AGBL4: variants seen among roughly 807,000 people sequenced by gnomAD.
AGBL4 encodes AGBL carboxypeptidase 4.
A neutral mutation model predicts 66.4 loss-of-function variants in AGBL4; 58 were observed. The ratio of observed to expected loss-of-function variants is 0.87; its 90% CI spans 0.71 to 1.09. The LOEUF is 1.09. AGBL4 is among the 50% of genes least tolerant of loss of function. The probability of loss-of-function intolerance (pLI) is 0.00; values close to 1 mark genes in which losing one functional copy is unlikely to be tolerated. For missense variants in AGBL4, 579 were observed against 631.0 expected (o/e 0.92, Z 0.88); for synonymous variants, 234 against 222.9 (o/e 1.05, Z -0.44).
rs926173611 is a variant in AGBL4, at chr1:49,696,431, G to A, written c.282+882C>T. On this transcript the variant is annotated intron_variant, in intron 3 of 13. Coordinates refer to ENST00000371839, the MANE Select transcript of AGBL4 (RefSeq NM_032785.4). Reference sequence around the variant, plus strand: ...GATTAATACGTTCAAAATACAAGTTGAGAATCCCTCATCTGGAAATCGAAA... The same window carrying A: ...GATTAATACGTTCAAAATACAAGTTAAGAATCCCTCATCTGGAAATCGAAA... 2.0e-5 allele frequency among the ~76,000 whole-genome samples: 3 copies of A among 152,152 alleles called. No homozygotes were observed. In the South Asian group the frequency reaches 6.2e-4, roughly 32 times the overall value.
chr1:49,266,489 A>G (rs1284922032), intron 3 of AGBL4, among the ~76,000 whole-genome samples: 2 of 152,086 alleles, frequency 1.3e-5, no homozygotes, highest in East Asian at 3.9e-4. Flanking sequence ...TATTCATTTA[A>G]TCATAATTTT....
intron 2 of AGBL4, among the ~76,000 whole-genome samples, chr1:49,753,652 C>T (rs998351124): frequency 6.6e-6 from 1 of 152,150 alleles, no homozygotes; most frequent in South Asian, 2.1e-4. Flanking sequence ...GGATAATATC[C>T]TGAACAGTGT....
At chr1:49,020,369 G>C (rs778812408) in intron 5 of AGBL4, among the ~76,000 whole-genome samples, 4 of 152,162 alleles carry the variant, frequency 2.6e-5, no homozygotes, top group Non-Finnish European at 5.9e-5. Context: ...CCATCTCAGG[G>C]CAGAAGCCAT....
intron 3 of AGBL4, among the ~76,000 whole-genome samples, chr1:49,600,100 G>C (rs1476682182): frequency 1.3e-5 from 2 of 152,158 alleles, no homozygotes; most frequent in Non-Finnish European, 2.9e-5. Context: ...ATTTGGGATT[G>C]GAGAGTTCTG....
At chr1:49,761,911 T>C in intron 2 of AGBL4, among the ~76,000 whole-genome samples, 1 of 152,152 alleles carries the variant, frequency 6.6e-6, no homozygotes, top group Non-Finnish European at 1.5e-5. Flanking sequence ...ATTTCTATAA[T>C]AGTTTTTTAA....
intron 3 of AGBL4, among the ~76,000 whole-genome samples, chr1:49,568,621 A>G (rs575311702): frequency 1.3e-5 from 2 of 152,176 alleles, no homozygotes; most frequent in East Asian, 1.9e-4. Context: ...CAAACTACCA[A>G]TGATGTTCTT....
intron 3 of AGBL4, among the ~76,000 whole-genome samples, chr1:49,519,096 G>T (rs183070097): frequency 1.3e-5 from 2 of 152,048 alleles, no homozygotes; most frequent in Non-Finnish European, 2.9e-5. Context: ...TATATTAATG[G>T]GTTTCTACTA....
intron 4 of AGBL4, among the ~76,000 whole-genome samples, chr1:49,134,124 A>C (rs1366325528): frequency 1.3e-5 from 2 of 152,054 alleles, no homozygotes; most frequent in Non-Finnish European, 2.9e-5. Flanking sequence ...AAAACCAATA[A>C]GTTTTTATTA....
chr1:48,958,226 C>T (rs972103920), intron 5 of AGBL4, among the ~76,000 whole-genome samples: 1 of 152,152 alleles, frequency 6.6e-6, no homozygotes, highest in Admixed American at 6.5e-5. Flanking sequence ...CTTTAGTTCC[C>T]TGCACATGCC....
intron 1 of AGBL4, among the ~76,000 whole-genome samples, chr1:49,918,360 G>T (rs905187482): frequency 1.3e-5 from 2 of 152,164 alleles, no homozygotes; most frequent in Non-Finnish European, 2.9e-5. Context: ...AAGAAGAAAA[G>T]AGAGAAGAAT....
At chr1:48,674,186 G>A (rs867945301) in intron 6 of AGBL4, among the ~76,000 whole-genome samples, 1 of 152,198 alleles carries the variant, frequency 6.6e-6, no homozygotes, top group African/African-American at 2.4e-5. Context: ...CTCCTTGGGG[G>A]CATTAGCTCC....
chr1:49,165,340 A>T lies in AGBL4; in HGVS notation c.377+80430T>A, dbSNP rs553692000. On this transcript the variant is annotated intron_variant, in intron 4 of 13. Transcript: ENST00000371839. The stretch of plus-strand genomic sequence containing the variant: ...AAACATTCATTCAACATGGAAGCAC[A>T]GGGAGACAAATTTGAGTTTACTTCA... Among the ~76,000 whole-genome samples the T allele has an allele frequency of 5.9e-5, 9 of 152,306 alleles. No homozygotes were observed. In the East Asian group the frequency reaches 1.4e-3, roughly 23 times the overall value.
intron 2 of AGBL4, among the ~76,000 whole-genome samples, chr1:49,798,229 T>C (rs1469788999): frequency 6.6e-6 from 1 of 152,200 alleles, no homozygotes; most frequent in African/African-American, 2.4e-5. Flanking sequence ...GAAAATGTTA[T>C]TTTACTCTTT....
intron 4 of AGBL4, among the ~76,000 whole-genome samples, chr1:49,195,863 G>A (rs1647228007): frequency 6.6e-6 from 1 of 152,080 alleles, no homozygotes; most frequent in African/African-American, 2.4e-5. Flanking sequence ...TGTATCTAGG[G>A]AGAGATCTGG....
chr1:48,703,772 T>A (rs759537539), intron 6 of AGBL4, among the ~76,000 whole-genome samples: 1 of 151,700 alleles, frequency 6.6e-6, no homozygotes. Context: ...AAAAAAAGAG[T>A]TATCAAGCAT....
intron 4 of AGBL4, among the ~76,000 whole-genome samples, chr1:49,087,437 A>G (rs1275644322): frequency 6.6e-6 from 1 of 152,246 alleles, no homozygotes; most frequent in Non-Finnish European, 1.5e-5. Flanking sequence ...TCAGAATTTC[A>G]TAATACAATT....
At chr1:49,083,151 T>C (rs1644837847) in intron 4 of AGBL4, among the ~76,000 whole-genome samples, 1 of 152,168 alleles carries the variant, frequency 6.6e-6, no homozygotes, top group Non-Finnish European at 1.5e-5. Context: ...GTCTACAGCT[T>C]TTCCAGGAGC....
chr1:49,238,787 T>A lies in AGBL4; in HGVS notation c.377+6983A>T, dbSNP rs141129876. Among the ~76,000 whole-genome samples, 899 of 152,298 alleles carry A rather than the reference T, an allele frequency of 5.9e-3. 3 individuals are homozygous for A. Among genetic ancestry groups the A allele is most frequent in the Non-Finnish European group, 8.8e-3 (596 of 68,016 alleles). On this transcript the variant is annotated intron_variant, in intron 4 of 13. Transcript: ENST00000371839. ...TGGTCCTTCATTTAGTATGAAAATATTTTGGGGAGCACCTTTTATTTGTCT... is the reference window on the plus strand; with the variant it reads ...TGGTCCTTCATTTAGTATGAAAATAATTTGGGGAGCACCTTTTATTTGTCT...
At chr1:49,058,351 G>C (rs1436239502) in intron 4 of AGBL4, among the ~76,000 whole-genome samples, 1 of 152,126 alleles carries the variant, frequency 6.6e-6, no homozygotes, top group Non-Finnish European at 1.5e-5. Flanking sequence ...GATAGTGAGT[G>C]AGTTCTCACA....
Sources: gnomAD v4.1 joint callset for allele counts (sites outside exome capture counted in the v4.1 genomes callset) on GRCh38, gnomAD v4.1.1 for gene constraint, MANE v1.5 for transcripts, NCBI Gene and HGNC (gene_info 2026-07-23, HGNC 2026-07-21) for gene names.